The following C16orf96 variants were observed in gnomAD, a reference collection of about 807,000 sequenced individuals.
The protein encoded by C16orf96 is uncharacterized protein C16orf96.
C16orf96 carries 108 observed loss-of-function variants against 103.6 expected under a neutral mutation model. That is an observed-to-expected ratio of 1.04 (90% confidence interval 0.89 to 1.22). C16orf96 has a LOEUF of 1.22. Ranked by LOEUF, C16orf96 falls within the 50% of genes most tolerant of loss-of-function variation. The pLI is 0.00. For missense variants in C16orf96, 1,586 were observed against 1,464.2 expected (o/e 1.08, Z -1.36); for synonymous variants, 566 against 593.5 (o/e 0.95, Z 0.67).
At chr16:4,564,786 G>C (rs1395868307) in intron 1 of C16orf96, among the ~76,000 whole-genome samples, 1 of 152,220 alleles carries the variant, frequency 6.6e-6, no homozygotes, top group Non-Finnish European at 1.5e-5. Context: ...ACTCCAGCCT[G>C]AGCGACAGAG....
At chr16:4,569,248 G>A (rs2059412003) in intron 1 of C16orf96, among the ~76,000 whole-genome samples, 1 of 152,044 alleles carries the variant, frequency 6.6e-6, no homozygotes, top group African/African-American at 2.4e-5. Context: ...GATTACAGGT[G>A]TGAGCCACCA....
intron 1 of C16orf96, chr16:4,559,970 A>C (rs1487897280): frequency 6.6e-6 from 1 of 152,112 alleles, no homozygotes; most frequent in East Asian, 1.9e-4. Flanking sequence ...TTGGAAGTAG[A>C]TAGTGGTGTA....
intron 8 of C16orf96, among the ~76,000 whole-genome samples, chr16:4,587,373 C>T (rs1896951197): frequency 6.6e-6 from 1 of 151,902 alleles, no homozygotes; most frequent in Non-Finnish European, 1.5e-5. Flanking sequence ...AGTCAAAATA[C>T]AAAAAGTAGC....
chr16:4,573,477 G>A (rs796391205), intron 2 of C16orf96, among the ~76,000 whole-genome samples: 6 of 147,926 alleles, frequency 4.1e-5, no homozygotes, highest in African/African-American at 1.5e-4. Context: ...CGGTGGGGCG[G>A]CATGGTGGTT....
Position 4,578,994 on chromosome 16 carries a change from A to T in C16orf96, c.2210A>T (p.Lys737Met). The T allele has an allele frequency of 1.3e-6, 2 of 1,551,408 alleles. No homozygotes were observed. Among genetic ancestry groups the T allele is most frequent in the Non-Finnish European group, 1.7e-6 (2 of 1,146,872 alleles). Residue 737 changes from lysine to methionine, a missense_variant, in exon 6 of 16, where the codon AAG becomes ATG. Transcript: ENST00000444310. ...LGTTVDILQK[K>M]IGSLQKSRLK... ...ACAACAGTGGACATATTGCAGAAAAAGATTGGCAGCCTCCAGAAATCTAGG... is the reference window on the plus strand; with the variant it reads ...ACAACAGTGGACATATTGCAGAAAATGATTGGCAGCCTCCAGAAATCTAGG...
In C16orf96 at chr16:4,556,764, A is replaced by G; in HGVS notation, c.275A>G (p.Glu92Gly). 1 of 1,551,704 alleles carries G rather than the reference A, an allele frequency of 6.4e-7. No homozygotes were observed. Among genetic ancestry groups the G allele is most frequent in the East Asian group, 2.4e-5 (1 of 40,910 alleles). Residue 92 changes from glutamate to glycine, a missense_variant, in exon 1 of 16, where the codon GAG becomes GGG. Physicochemically the swap from Glu to Gly is moderately conservative, Grantham distance 98. Transcript: ENST00000444310. ...DHVVSRLDKL[E>G]NQLALLQDLP... ...GTGGTGAGCCGCCTCGACAAGTTGG[A>G]GAACCAGCTGGCCCTGCTGCAGGAC...
upstream of C16orf96, among the ~76,000 whole-genome samples, chr16:4,552,493 AAAAAAAAAGAAACG>A (rs2059234475): frequency 6.6e-6 from 1 of 151,826 alleles, no homozygotes; most frequent in South Asian, 2.1e-4. Context: ...AAAAAAAAAA[AAAAAAAAAGAAACG>A]AAAAGAAAAG....
intron 1 of C16orf96, among the ~76,000 whole-genome samples, chr16:4,559,089 A>C (rs545700590): frequency 3.2e-4 from 49 of 152,114 alleles, no homozygotes; most frequent in African/African-American, 1.1e-3. Context: ...GTCTCCAAAA[A>C]GGAGACCATC....
At chr16:4,550,396 G>T in the C16orf96 span, among the ~76,000 whole-genome samples, 3 of 152,106 alleles carry the variant, frequency 2.0e-5, no homozygotes, top group African/African-American at 7.2e-5. Flanking sequence ...AGAGCATTTT[G>T]AATGCAGTTC....
At chr16:4,586,928 C>T in intron 7 of C16orf96, 111 bp from the exon 8 acceptor site, 3 of 966,724 alleles carry the variant, frequency 3.1e-6, no homozygotes, top group Non-Finnish European at 4.7e-6. Context: ...GCCTGCTGTC[C>T]ACACGGCCTG....
chr16:4,596,306 G>A (rs1897170759), intron 14 of C16orf96, among the ~76,000 whole-genome samples: 1 of 152,056 alleles, frequency 6.6e-6, no homozygotes, highest in Non-Finnish European at 1.5e-5. Context: ...ACAACATGGT[G>A]AAACCTCGTC....
At chr16:4,543,581 A>G in the C16orf96 span, among the ~76,000 whole-genome samples, 14 of 150,864 alleles carry the variant, frequency 9.3e-5, no homozygotes, top group Non-Finnish European at 1.9e-4. Flanking sequence ...CACCTTGGCC[A>G]CCCAAAGTGC....
intron 1 of C16orf96, among the ~76,000 whole-genome samples, chr16:4,569,321 A>G (rs751678810): frequency 8.5e-5 from 13 of 152,294 alleles, no homozygotes; most frequent in Non-Finnish European, 1.3e-4. Flanking sequence ...TGAAGTCTCA[A>G]ACTATTCTTG....
the C16orf96 span, among the ~76,000 whole-genome samples, chr16:4,549,113 G>C: frequency 2.0e-5 from 3 of 152,036 alleles, no homozygotes; most frequent in Non-Finnish European, 4.4e-5. Context: ...TAAAAAAAGT[G>C]CATATGAGTG....
chr16:4,588,363 T>C, intron 9 of C16orf96, 32 bp downstream of exon 9: 1 of 1,531,388 alleles, frequency 6.5e-7, no homozygotes. Flanking sequence ...TTCACTTTAT[T>C]CCTAACAAAT....
At chr16:4,545,963 C>T in the C16orf96 span, among the ~76,000 whole-genome samples, 1 of 151,896 alleles carries the variant, frequency 6.6e-6, no homozygotes, top group Admixed American at 6.6e-5. Context: ...GATTCTCCCG[C>T]CTCAGCCTCC....
In C16orf96 at chr16:4,579,018, G is replaced by C. The variant is rs373315722; in HGVS notation, c.2234G>C (p.Arg745Thr). The change falls in exon 6 of 16, where the codon AGG (arginine) becomes ACG (threonine). Residue 745 changes from arginine to threonine, a missense_variant. Transcript: ENST00000444310. ...AAGATTGGCAGCCTCCAGAAATCTA[G>C]GCTCAAGGTTAGTGTCTCCGGCGAA... Reference protein sequence around the residue: ...QKKIGSLQKSRLKEEELERIW... With the variant: ...QKKIGSLQKSTLKEEELERIW... 666 of 1,551,470 alleles carry C rather than the reference G, an allele frequency of 4.3e-4. 7 individuals carry two copies. The East Asian group carries it at 0.013, about 31-fold the overall frequency.
the C16orf96 span, chr16:4,538,774 G>A: frequency 6.6e-6 from 1 of 152,256 alleles, no homozygotes; most frequent in African/African-American, 2.4e-5. Flanking sequence ...TCGCACTTCT[G>A]TCACAAGGAG....
At position 4,578,976 on chromosome 16, in the gene C16orf96, T is replaced by C. The variant is rs765237970; in HGVS notation, c.2192T>C (p.Val731Ala). 1 of 1,551,340 alleles carries C rather than the reference T, an allele frequency of 6.4e-7. No homozygotes were observed. The highest frequency in any genetic ancestry group is 1.2e-5 in the South Asian group (1 of 84,058). ...MGGPSSLGTTVDILQKKIGSL... is the reference protein window; with the variant it reads ...MGGPSSLGTTADILQKKIGSL... Reference sequence around the variant, plus strand: ...GGTCCTTCCAGCCTCGGGACAACAGTGGACATATTGCAGAAAAAGATTGGC... The same window carrying C: ...GGTCCTTCCAGCCTCGGGACAACAGCGGACATATTGCAGAAAAAGATTGGC... Residue 731 changes from valine (V) to alanine (A), a missense_variant, in exon 6 of 16, where the codon GTG becomes GCG. Val to Ala is a moderately conservative substitution (Grantham distance 64, BLOSUM62 0). Transcript: ENST00000444310.
Sources: allele counts gnomAD v4.1 joint callset (sites outside exome capture counted in the v4.1 genomes callset), GRCh38; gene constraint gnomAD v4.1.1; transcripts MANE v1.5; gene names NCBI Gene and HGNC (gene_info 2026-07-23, HGNC 2026-07-21).